The following PRDM16 variants were observed in gnomAD, a reference collection of about 807,000 sequenced individuals.
The protein encoded by PRDM16 is PR/SET domain 16.
Under a neutral mutation model 110.6 loss-of-function variants are expected in PRDM16, and 23 were observed. The ratio of observed to expected loss-of-function variants is 0.21; its 90% CI spans 0.15 to 0.29. The LOEUF (loss-of-function observed/expected upper bound fraction) is 0.29. Ranked by LOEUF, PRDM16 falls within the 10% of genes least tolerant of loss-of-function variation. The probability of loss-of-function intolerance (pLI) is 1.00; values close to 1 mark genes in which losing one functional copy is unlikely to be tolerated. For missense variants in PRDM16, 1,615 were observed against 1,794.3 expected (o/e 0.90, Z 1.81); for synonymous variants, 799 against 781.8 (o/e 1.02, Z -0.37).
At position 3,114,186 on chromosome 1, in the gene PRDM16, C is replaced by A. The variant is rs1326453670; in HGVS notation, c.37+44890C>A. 3.0e-3 allele frequency among the ~76,000 whole-genome samples: 277 copies of A among 91,996 alleles called. 1 individual carries two copies. Among genetic ancestry groups the A allele is most frequent in the African/African-American group, 0.013 (253 of 19,840 alleles). The allele number at this position is 91,996 out of a possible 152,430, so 60.4% of individuals were successfully genotyped here. On this transcript the variant is annotated intron_variant, in intron 1 of 16. Transcript: ENST00000270722. ...ACACGCACACACACGCACACACACG[C>A]ACACACGCACACGCACGCACACACG...
In PRDM16 at chr1:3,209,927, C is replaced by T. The variant is rs1638842053; in HGVS notation, c.387+23453C>T. Among the ~76,000 whole-genome samples the T allele has an allele frequency of 6.6e-6, 1 of 152,198 alleles. No homozygotes were observed. The highest frequency in any genetic ancestry group is 2.1e-4 in the South Asian group (1 of 4,824). On this transcript the variant is annotated intron_variant, in intron 2 of 16. Transcript: ENST00000270722. This position sits in a 1 kb window ranked among gnomAD's most constrained non-coding sequence, Gnocchi z 4.6. Reference sequence around the variant, plus strand: ...AGGTGCACCTGTGTTAGCCCTTTCACAGAACTCTTACTTAACATGGAAAAT... The same window carrying T: ...AGGTGCACCTGTGTTAGCCCTTTCATAGAACTCTTACTTAACATGGAAAAT...
chr1:3,326,453 G>T (rs10909930), intron 3 of PRDM16, among the ~76,000 whole-genome samples: 25,583 of 152,174 alleles, frequency 0.17, 2,265 homozygotes, highest in East Asian at 0.2. Flanking sequence ...TGCTGCAGGG[G>T]CCATGGTCAG....
chr1:3,420,688 G>A (rs1638401362), intron 12 of PRDM16, among the ~76,000 whole-genome samples: 2 of 152,166 alleles, frequency 1.3e-5, no homozygotes, highest in East Asian at 1.9e-4. Flanking sequence ...AGCTTCTCCT[G>A]GCCTAGAGGT....
Position 3,116,424 on chromosome 1 carries a change from C to A in PRDM16, c.37+47128C>A, listed in dbSNP as rs535024525. Among the ~76,000 whole-genome samples the A allele has an allele frequency of 5.9e-5, 9 of 152,280 alleles. No individual in the cohort carries two copies. The South Asian group carries it at 1.4e-3, about 25-fold the overall frequency. ...GACGTGGCACCGTACCTCCCTGCTC[C>A]CTTCCTGTGAGAATTTTGCCCTCAA... On this transcript the variant is annotated intron_variant, in intron 1 of 16. Coordinates refer to ENST00000270722, the MANE Select transcript of PRDM16 (RefSeq NM_022114.4).
chr1:3,337,025 G>C (rs114958858), intron 3 of PRDM16, among the ~76,000 whole-genome samples: 4,122 of 151,722 alleles, frequency 0.027, 179 homozygotes, highest in African/African-American at 0.094. Context: ...GTGTTGGAGT[G>C]AGTCTGTGTG....
chr1:3,146,841 G>C (rs560375057), intron 1 of PRDM16, among the ~76,000 whole-genome samples: 2 of 131,820 alleles, frequency 1.5e-5, no homozygotes, highest in African/African-American at 5.7e-5. Context: ...GTGTGCACAC[G>C]TGTGTGCTCA....
chr1:3,193,682 C>G (rs1014826333), intron 2 of PRDM16, among the ~76,000 whole-genome samples: 1 of 152,158 alleles, frequency 6.6e-6, no homozygotes, highest in Non-Finnish European at 1.5e-5. Context: ...CAAGCCCCTG[C>G]CCCCCAACAA....
At chr1:3,212,195 C>T (rs535879880) in intron 2 of PRDM16, among the ~76,000 whole-genome samples, 5 of 152,276 alleles carry the variant, frequency 3.3e-5, no homozygotes, top group African/African-American at 7.2e-5. Context: ...GGGGCCAGTG[C>T]GCACAAAGCC....
chr1:3,337,117 CTG>C (rs1177471533), intron 3 of PRDM16, among the ~76,000 whole-genome samples: 2 of 143,646 alleles, frequency 1.4e-5, no homozygotes, highest in Non-Finnish European at 3.0e-5. Context: ...GTGTGAGCCT[CTG>C]TGTGAATGCA....
At chr1:3,106,742 G>A (rs74497009) in intron 1 of PRDM16, among the ~76,000 whole-genome samples, 2,959 of 152,278 alleles carry the variant, frequency 0.019, 87 homozygotes, top group African/African-American at 0.067. Flanking sequence ...AGCTCCCGGC[G>A]GGCTGCCTGA....
rs115099165 is a variant in PRDM16 at position 3,125,228 on chromosome 1, G to A, written c.37+55932G>A. 8.0e-3 allele frequency among the ~76,000 whole-genome samples: 1,217 copies of A among 152,370 alleles called. 19 individuals carry two copies. Among genetic ancestry groups the A allele is most frequent in the African/African-American group, 0.028 (1,146 of 41,588 alleles). On this transcript the variant is annotated intron_variant, in intron 1 of 16. Transcript: ENST00000270722. ...CTCAGCCAGCGCGCTTCCCGCATCC[G>A]TGAATCACTCCGGCTGAGGCTGCTT...
In PRDM16 at chr1:3,243,543, C is replaced by T. The variant is rs1639722549; in HGVS notation, c.388-544C>T. On this transcript the variant is annotated intron_variant, in intron 2 of 16. Coordinates refer to ENST00000270722, the MANE Select transcript of PRDM16 (RefSeq NM_022114.4). The surrounding 1 kb of genome is among the most constrained non-coding windows in gnomAD (Gnocchi z 5.5). ...AGAGTCCAGCTCCCCCCGACCTCTG[C>T]CTCCTGAGCTGGACTGTAAGCCCCC... Among the ~76,000 whole-genome samples, 1 of 152,250 alleles carries T rather than the reference C, an allele frequency of 6.6e-6. No homozygotes were observed. Among genetic ancestry groups the T allele is most frequent in the Non-Finnish European group, 1.5e-5 (1 of 68,050 alleles).
intron 1 of PRDM16, among the ~76,000 whole-genome samples, chr1:3,174,961 G>A (rs1421659172): frequency 6.6e-6 from 1 of 152,168 alleles, no homozygotes; most frequent in African/African-American, 2.4e-5. Context: ...GCGGCCGCTT[G>A]GTTCTGGGCA....
intron 1 of PRDM16, among the ~76,000 whole-genome samples, chr1:3,153,135 T>C (rs1643805476): frequency 6.6e-6 from 1 of 152,218 alleles, no homozygotes; most frequent in Non-Finnish European, 1.5e-5. Context: ...TGCCCCCACC[T>C]GGCCTCCCTG....
chr1:3,349,930 C>G (rs1244265882), intron 3 of PRDM16, among the ~76,000 whole-genome samples: 1 of 152,192 alleles, frequency 6.6e-6, no homozygotes, highest in African/African-American at 2.4e-5. Context: ...TCTGCTCCCT[C>G]CCACCTCTTG....
intron 8 of PRDM16, among the ~76,000 whole-genome samples, chr1:3,409,688 G>T (rs535044184): frequency 5.8e-4 from 88 of 151,546 alleles, no homozygotes; most frequent in Admixed American, 1.3e-3. Context: ...GTGTGTGCGT[G>T]TGTGTGGTGT....
intron 3 of PRDM16, among the ~76,000 whole-genome samples, chr1:3,258,231 G>A (rs145031144): frequency 6.6e-6 from 1 of 152,300 alleles, no homozygotes; most frequent in East Asian, 1.9e-4. Context: ...GTACTTTGCA[G>A]ATTCTGAGGA....
At chr1:3,270,053 G>A (rs114090119) in intron 3 of PRDM16, among the ~76,000 whole-genome samples, 3,960 of 150,346 alleles carry the variant, frequency 0.026, 165 homozygotes, top group African/African-American at 0.087. Flanking sequence ...GGTGAGTCCC[G>A]GAGGATGACA....
At chr1:3,155,540 T>G (rs1423683945) in intron 1 of PRDM16, among the ~76,000 whole-genome samples, 1 of 152,230 alleles carries the variant, frequency 6.6e-6, no homozygotes, top group Admixed American at 6.5e-5. Context: ...CTTCCATCTG[T>G]TTTCCTTTTT....
Sources: allele counts gnomAD v4.1 joint callset (sites outside exome capture counted in the v4.1 genomes callset), GRCh38; gene constraint gnomAD v4.1.1; non-coding constraint Gnocchi (gnomAD v3.1); transcripts MANE v1.5; gene names NCBI Gene and HGNC (gene_info 2026-07-23, HGNC 2026-07-21).